The following WWTR1 variants were observed in gnomAD, a reference collection of about 807,000 sequenced individuals.
The protein encoded by WWTR1 is WW domain-containing transcription regulator protein 1.
WWTR1 carries 13 observed loss-of-function variants against 40.1 expected under a neutral mutation model. The ratio of observed to expected loss-of-function variants is 0.32; its 90% CI spans 0.21 to 0.52. WWTR1 has a LOEUF of 0.52. Among genes scored for constraint, WWTR1 ranks in the 20% least tolerant of loss-of-function variants. WWTR1 has a pLI of 0.97. For missense variants in WWTR1, 436 were observed against 523.1 expected, an observed-to-expected ratio of 0.83 and a Z score of 1.63; for synonymous variants, 230 against 210.1, an observed-to-expected ratio of 1.09 and a Z score of -0.82.
At chr3:149,687,362 T>C (rs979558568) in intron 1 of WWTR1, among the ~76,000 whole-genome samples, 1 of 152,192 alleles carries the variant, frequency 6.6e-6, no homozygotes, top group African/African-American at 2.4e-5. Flanking sequence ...CAATCTCTCA[T>C]TTCTTCTTTA....
intron 2 of WWTR1, among the ~76,000 whole-genome samples, chr3:149,627,305 T>C (rs1428092303): frequency 1.3e-5 from 2 of 152,176 alleles, no homozygotes; most frequent in African/African-American, 4.8e-5. Context: ...CTAATTTCCT[T>C]TGGGAAACAT....
chr3:149,578,666 G>A (rs1236265606), intron 2 of WWTR1, among the ~76,000 whole-genome samples: 1 of 152,172 alleles, frequency 6.6e-6, no homozygotes, highest in Non-Finnish European at 1.5e-5. Flanking sequence ...GGGAGGCCGA[G>A]GCGGGTGGAT....
At chr3:149,579,432 C>T (rs1270646188) in intron 2 of WWTR1, among the ~76,000 whole-genome samples, 1 of 152,214 alleles carries the variant, frequency 6.6e-6, no homozygotes, top group Admixed American at 6.5e-5. Flanking sequence ...TTCATCCCCT[C>T]AGTGAAATTC....
intron 2 of WWTR1, among the ~76,000 whole-genome samples, chr3:149,618,847 T>A (rs4681529): frequency 0.65 from 99,303 of 151,896 alleles, 32,924 homozygotes; most frequent in Middle Eastern, 0.72. Context: ...ACAAGTACAA[T>A]CCTGTCCCCT....
intron 1 of WWTR1, among the ~76,000 whole-genome samples, chr3:149,691,534 T>C (rs991805253): frequency 6.6e-6 from 1 of 151,928 alleles, no homozygotes; most frequent in Non-Finnish European, 1.5e-5. Context: ...TGAGCAACTA[T>C]ATGCCAATAA....
intron 1 of WWTR1, 57 bp from the exon 2 acceptor site, chr3:149,657,366 G>C: frequency 6.6e-7 from 1 of 1,519,590 alleles, no homozygotes; most frequent in Admixed American, 2.0e-5. Context: ...GTGGGTAAGA[G>C]GGTTACAGGG....
Position 149,577,814 on chromosome 3 carries a change from C to T in WWTR1, c.432-4814G>A, listed in dbSNP as rs151210754. On this transcript the variant is annotated intron_variant, in intron 2 of 6. Coordinates refer to ENST00000360632, the MANE Select transcript of WWTR1 (RefSeq NM_015472.6). ...AAATTGGTGGGGTGGCACTCCCACC[C>T]TCCAAGTCACCCTCCCCTCAGACTG... Among the ~76,000 whole-genome samples the T allele has an allele frequency of 2.7e-3, 412 of 152,232 alleles. 2 individuals carry two copies. Among genetic ancestry groups the T allele is most frequent in the African/African-American group, 8.5e-3 (354 of 41,524 alleles).
intron 2 of WWTR1, among the ~76,000 whole-genome samples, chr3:149,585,344 A>C (rs1214027536): frequency 1.3e-5 from 2 of 152,170 alleles, no homozygotes; most frequent in Admixed American, 1.3e-4. Context: ...CATGTTGGCC[A>C]GGCTGGTCTT....
intron 3 of WWTR1, among the ~76,000 whole-genome samples, chr3:149,550,192 G>A (rs1157686846): frequency 6.6e-6 from 1 of 152,112 alleles, no homozygotes; most frequent in African/African-American, 2.4e-5. Context: ...AATGGTTGGG[G>A]TATGTACAAA....
intron 2 of WWTR1, among the ~76,000 whole-genome samples, chr3:149,583,590 A>G (rs1266379849): frequency 6.6e-6 from 1 of 152,218 alleles, no homozygotes. Context: ...CTTTGTGTAC[A>G]TTATATTATC....
At chr3:149,615,799 C>T (rs1025021102) in intron 2 of WWTR1, among the ~76,000 whole-genome samples, 3 of 152,178 alleles carry the variant, frequency 2.0e-5, no homozygotes, top group Non-Finnish European at 4.4e-5. Context: ...GGAGGGGTAG[C>T]GGCCACACCA....
At chr3:149,658,445 C>T (rs1713399538), upstream of WWTR1, 1 of 152,310 alleles carries the variant, frequency 6.6e-6, no homozygotes, top group Non-Finnish European at 1.5e-5. Flanking sequence ...GGACACCGCG[C>T]CCTCCCCTGC....
chr3:149,599,439 G>C (rs1200022947), intron 2 of WWTR1, among the ~76,000 whole-genome samples: 2 of 152,222 alleles, frequency 1.3e-5, no homozygotes, highest in African/African-American at 4.8e-5. Context: ...ATGGTCTGTT[G>C]CCATCAAAAA....
At chr3:149,720,570 C>T (rs1576651954) in intron 4 of WWTR1, among the ~76,000 whole-genome samples, 7 of 151,790 alleles carry the variant, frequency 4.6e-5, no homozygotes, top group Admixed American at 4.6e-4. Flanking sequence ...CAGCTTTGTT[C>T]TTCTCTTTTA....
intron 5 of WWTR1, among the ~76,000 whole-genome samples, chr3:149,716,344 T>C (rs1023615781): frequency 6.6e-6 from 1 of 152,000 alleles, no homozygotes; most frequent in Admixed American, 6.6e-5. Context: ...ATCACACCAC[T>C]GCACTACAGC....
chr3:149,709,655 A>G (rs1715429944), intron 5 of WWTR1, among the ~76,000 whole-genome samples: 1 of 152,164 alleles, frequency 6.6e-6, no homozygotes. Flanking sequence ...CCGTAATCCC[A>G]GCATTTTGGG....
At chr3:149,525,459 A>C (rs575738070) in intron 6 of WWTR1, among the ~76,000 whole-genome samples, 3 of 152,160 alleles carry the variant, frequency 2.0e-5, no homozygotes, top group South Asian at 2.1e-4. Flanking sequence ...AAAAAAAAAA[A>C]ACAACAGAAT....
chr3:149,624,173 A>G (rs1238920764), intron 2 of WWTR1, among the ~76,000 whole-genome samples: 1 of 151,524 alleles, frequency 6.6e-6, no homozygotes, highest in Non-Finnish European at 1.5e-5. Flanking sequence ...AGGAGGTCAA[A>G]TGAACAGATA....
At chr3:149,566,347 C>T (rs1737329135) in intron 3 of WWTR1, among the ~76,000 whole-genome samples, 1 of 152,150 alleles carries the variant, frequency 6.6e-6, no homozygotes, top group Admixed American at 6.5e-5. Flanking sequence ...ACAACACCCA[C>T]AACACCCAAC....
Sources: gnomAD v4.1 joint callset for allele counts (sites outside exome capture counted in the v4.1 genomes callset) on GRCh38, gnomAD v4.1.1 for gene constraint, MANE v1.5 for transcripts, NCBI Gene and HGNC (gene_info 2026-07-23, HGNC 2026-07-21) for gene names.